VEGFC: variants seen among roughly 807,000 people sequenced by gnomAD.
VEGFC encodes the protein vascular endothelial growth factor C, also known as FLT4 ligand DHM.
VEGFC carries 12 observed loss-of-function variants against 46.1 expected under a neutral mutation model. The ratio of observed to expected loss-of-function variants is 0.26; its 90% CI spans 0.17 to 0.42. The LOEUF (loss-of-function observed/expected upper bound fraction) is 0.42. VEGFC is among the 10% of genes least tolerant of loss of function. The probability of loss-of-function intolerance (pLI) is 1.00; values close to 1 mark genes in which losing one functional copy is unlikely to be tolerated. For missense variants in VEGFC, 488 were observed against 529.4 expected (o/e 0.92, Z 0.77); for synonymous variants, 232 against 195.5 (o/e 1.19, Z -1.56).
chr4:176,713,298 A>G (rs1350520643), intron 3 of VEGFC, among the ~76,000 whole-genome samples: 2 of 152,190 alleles, frequency 1.3e-5, no homozygotes, highest in East Asian at 3.9e-4. Context: ...ATTAGGTGAA[A>G]TATTGCAATG....
chr4:176,686,581 T>C (rs1349105171), intron 6 of VEGFC, among the ~76,000 whole-genome samples: 2 of 152,210 alleles, frequency 1.3e-5, no homozygotes, highest in South Asian at 4.1e-4. Flanking sequence ...GATCAATTTA[T>C]TCTCTGAGAT....
At chr4:176,776,094 C>G (rs1004995807) in intron 1 of VEGFC, among the ~76,000 whole-genome samples, 2 of 152,112 alleles carry the variant, frequency 1.3e-5, no homozygotes, top group African/African-American at 4.8e-5. Flanking sequence ...AAATTAAGAT[C>G]ATGATAGTAC....
chr4:176,787,272 C>T (rs1160839079), intron 1 of VEGFC, among the ~76,000 whole-genome samples: 1 of 151,786 alleles, frequency 6.6e-6, no homozygotes, highest in African/African-American at 2.4e-5. Context: ...GCTTCGCCTA[C>T]AAGACAAAAC....
chr4:176,763,137 T>C (rs1049384854), intron 1 of VEGFC, among the ~76,000 whole-genome samples: 4 of 152,232 alleles, frequency 2.6e-5, no homozygotes, highest in Admixed American at 6.5e-5. Context: ...AAAATACCTT[T>C]GAAAGTGGTC....
intron 1 of VEGFC, among the ~76,000 whole-genome samples, chr4:176,786,370 C>T (rs1376015682): frequency 6.6e-6 from 1 of 152,208 alleles, no homozygotes; most frequent in African/African-American, 2.4e-5. Context: ...ATATCCCTGA[C>T]CTTTACTTCC....
Position 176,792,158 on chromosome 4 carries a change from G to A in VEGFC, c.147+7C>T, listed in dbSNP as rs1460383834. 4 of 1,490,204 alleles carry A rather than the reference G, an allele frequency of 2.7e-6. No homozygotes were observed. In the African/African-American group the frequency reaches 5.9e-5, roughly 22 times the overall value. 92.3% of individuals were successfully genotyped at this position (1,490,204 alleles called of 1,614,324 possible). A position where few individuals can be genotyped will look rare whatever the true frequency, so the allele number is the denominator to read the frequency against. On this transcript the variant is annotated splice_region_variant and intron_variant, in intron 1 of 6. Transcript: ENST00000618562. The surrounding 1 kb of genome is among the most constrained non-coding windows in gnomAD (Gnocchi z 6.3). Reference sequence around the variant, plus strand: ...CGGGTTCTCCGCAAACCCTAACGCAGACCTACCGTGGCCTCGCCCGCGTCG... The same window carrying A: ...CGGGTTCTCCGCAAACCCTAACGCAAACCTACCGTGGCCTCGCCCGCGTCG...
chr4:176,757,527 A>G (rs12054587), intron 1 of VEGFC, among the ~76,000 whole-genome samples: 109,354 of 151,866 alleles, frequency 0.72, 44,590 homozygotes, highest in East Asian at 0.93. Context: ...TAATATTGGT[A>G]CAGTCATAGA....
chr4:176,753,105 A>G (rs1560955902), intron 1 of VEGFC, among the ~76,000 whole-genome samples: 1 of 152,092 alleles, frequency 6.6e-6, no homozygotes, highest in Non-Finnish European at 1.5e-5. Context: ...CTGCTGAAAC[A>G]GTCAGTGACA....
intron 3 of VEGFC, among the ~76,000 whole-genome samples, chr4:176,717,370 T>C (rs1357934535): frequency 6.6e-6 from 1 of 152,128 alleles, no homozygotes; most frequent in African/African-American, 2.4e-5. Context: ...TTCCCAGTTG[T>C]AATCTACTGG....
chr4:176,758,969 G>A (rs2333510), intron 1 of VEGFC, among the ~76,000 whole-genome samples: 109,549 of 152,052 alleles, frequency 0.72, 44,673 homozygotes, highest in East Asian at 0.93. Flanking sequence ...GCCAGTGATA[G>A]CAGCCACGAT....
intron 1 of VEGFC, among the ~76,000 whole-genome samples, chr4:176,769,548 T>C (rs1394584725): frequency 6.6e-6 from 1 of 152,186 alleles, no homozygotes; most frequent in Non-Finnish European, 1.5e-5. Flanking sequence ...AATAAATGGC[T>C]ATTTAGATTA....
intron 4 of VEGFC, among the ~76,000 whole-genome samples, chr4:176,703,444 G>T (rs1200076166): frequency 6.6e-6 from 1 of 152,044 alleles, no homozygotes; most frequent in Non-Finnish European, 1.5e-5. Flanking sequence ...GAAGTAGAGA[G>T]TAGAATGATG....
At chr4:176,728,982 T>C (rs1471813) in intron 2 of VEGFC, among the ~76,000 whole-genome samples, 109,857 of 152,046 alleles carry the variant, frequency 0.72, 44,450 homozygotes, top group East Asian at 0.94. Flanking sequence ...ATTACAGACA[T>C]GAACCTCTGT....
intron 1 of VEGFC, among the ~76,000 whole-genome samples, chr4:176,788,308 C>T (rs1016139107): frequency 2.0e-5 from 3 of 152,184 alleles, no homozygotes; most frequent in Non-Finnish European, 4.4e-5. Context: ...GGTTTATTTC[C>T]GTTTGTCCCG....
chr4:176,764,286 C>A (rs993674537), intron 1 of VEGFC, among the ~76,000 whole-genome samples: 3 of 152,082 alleles, frequency 2.0e-5, no homozygotes, highest in African/African-American at 7.2e-5. Flanking sequence ...AGGCAGAAAA[C>A]AACAGAGTTA....
intron 4 of VEGFC, among the ~76,000 whole-genome samples, chr4:176,707,940 T>G (rs1734562481): frequency 6.6e-6 from 1 of 152,014 alleles, no homozygotes; most frequent in Non-Finnish European, 1.5e-5. Context: ...ACTTGAGCTT[T>G]GAGAATTAAA....
intron 1 of VEGFC, among the ~76,000 whole-genome samples, chr4:176,783,741 C>T (rs1320165613): frequency 1.3e-5 from 2 of 152,164 alleles, no homozygotes; most frequent in African/African-American, 4.8e-5. Flanking sequence ...GGCAGAACTA[C>T]AGTATGTAGC....
chr4:176,723,220 CAG>C (rs1560946009), intron 3 of VEGFC, among the ~76,000 whole-genome samples: 2 of 151,974 alleles, frequency 1.3e-5, no homozygotes, highest in African/African-American at 4.8e-5. Context: ...GTAAGAGAAA[CAG>C]ATATCTATAT....
At chr4:176,730,257 C>A (rs1266816312) in intron 1 of VEGFC, among the ~76,000 whole-genome samples, 6 of 152,064 alleles carry the variant, frequency 3.9e-5, no homozygotes, top group Admixed American at 3.3e-4. Context: ...AACATTGTCA[C>A]AGTAAGATTT....
Sources: allele counts gnomAD v4.1 joint callset (sites outside exome capture counted in the v4.1 genomes callset), GRCh38; gene constraint gnomAD v4.1.1; non-coding constraint Gnocchi (gnomAD v3.1); transcripts MANE v1.5; gene names NCBI Gene and HGNC (gene_info 2026-07-23, HGNC 2026-07-21).